IGF2BP3: variants seen among roughly 807,000 people sequenced by gnomAD.
The protein encoded by IGF2BP3 is insulin like growth factor 2 mRNA binding protein 3.
In IGF2BP3, 9 loss-of-function variants were observed where a neutral mutation model predicts 73.8. The observed-to-expected ratio is 0.12, with a 90% CI of 0.07 to 0.21. The LOEUF is 0.21. Among genes scored for constraint, IGF2BP3 ranks in the 10% least tolerant of loss-of-function variants. The probability of loss-of-function intolerance (pLI) is 1.00; values close to 1 mark genes in which losing one functional copy is unlikely to be tolerated. For synonymous variants in IGF2BP3, 258 were observed against 256.7 expected, an observed-to-expected ratio of 1.01 and a Z score of -0.05; for missense variants, 542 against 714.0, an observed-to-expected ratio of 0.76 and a Z score of 2.75.
chr7:23,364,396 A>G (rs951115884), intron 3 of IGF2BP3, among the ~76,000 whole-genome samples: 1 of 151,088 alleles, frequency 6.6e-6, no homozygotes, highest in Admixed American at 6.6e-5. Flanking sequence ...AAAAACAACA[A>G]AATTAGCTGG....
intron 12 of IGF2BP3, 98 bp downstream of exon 12, chr7:23,317,539 ACT>A: frequency 1.2e-6 from 1 of 822,330 alleles, no homozygotes; most frequent in South Asian, 1.5e-5. Flanking sequence ...ATTTCCATTG[ACT>A]CTTTCTGAGA....
intron 5 of IGF2BP3, 137 bp downstream of exon 5, chr7:23,361,397 C>T (rs1019116160): frequency 1.6e-5 from 10 of 630,570 alleles, no homozygotes; most frequent in East Asian, 5.5e-5. Context: ...AAGAAAGGCA[C>T]GATTACAGGG....
chr7:23,380,434 G>A (rs1444589623), intron 3 of IGF2BP3, among the ~76,000 whole-genome samples: 8 of 151,880 alleles, frequency 5.3e-5, no homozygotes, highest in Non-Finnish European at 1.0e-4. Context: ...AAGTGCTGGG[G>A]TTACAGGCAT....
chr7:23,358,702 CA>C, intron 5 of IGF2BP3, among the ~76,000 whole-genome samples: 1 of 152,246 alleles, frequency 6.6e-6, no homozygotes, highest in Non-Finnish European at 1.5e-5. Context: ...ATTCTCCTCA[CA>C]GAATGAAAAC....
intron 3 of IGF2BP3, among the ~76,000 whole-genome samples, chr7:23,392,485 T>TAC (rs1011725923): frequency 2.7e-5 from 4 of 149,842 alleles, no homozygotes; most frequent in African/African-American, 5.0e-5. Flanking sequence ...TATATATATA[T>TAC]ACACACATAC....
At chr7:23,378,897 C>A (rs991959909) in intron 3 of IGF2BP3, among the ~76,000 whole-genome samples, 1 of 151,804 alleles carries the variant, frequency 6.6e-6, no homozygotes, top group African/African-American at 2.4e-5. Flanking sequence ...AAGGCTCCCC[C>A]GGAAGAGTAC....
chr7:23,329,792 C>A (rs1396419640), intron 10 of IGF2BP3, among the ~76,000 whole-genome samples: 3 of 152,120 alleles, frequency 2.0e-5, no homozygotes, highest in Non-Finnish European at 4.4e-5. Flanking sequence ...CTCATTTGTA[C>A]CCCACAACAG....
intron 3 of IGF2BP3, among the ~76,000 whole-genome samples, chr7:23,408,709 A>G (rs1400751075): frequency 6.6e-6 from 1 of 152,206 alleles, no homozygotes; most frequent in Non-Finnish European, 1.5e-5. Context: ...CTAGGTACAT[A>G]CCCAAAAGAA....
At chr7:23,426,372 T>TG (rs747561321) in intron 2 of IGF2BP3, among the ~76,000 whole-genome samples, 3 of 134,068 alleles carry the variant, frequency 2.2e-5, no homozygotes, top group East Asian at 2.3e-4. Flanking sequence ...CAGAAATGGT[T>TG]GGGGGGAAAA....
chr7:23,353,989 GCTTT>G (rs1422653412), intron 5 of IGF2BP3, among the ~76,000 whole-genome samples: 1 of 152,194 alleles, frequency 6.6e-6, no homozygotes, highest in Non-Finnish European at 1.5e-5. Flanking sequence ...TTTCAAAACA[GCTTT>G]ATTTATTTAT....
chr7:23,408,523 GA>G (rs774213623), intron 3 of IGF2BP3, among the ~76,000 whole-genome samples: 1 of 152,172 alleles, frequency 6.6e-6, no homozygotes, highest in East Asian at 1.9e-4. Flanking sequence ...TGGACATGGA[GA>G]AGTTAGAACA....
intron 3 of IGF2BP3, among the ~76,000 whole-genome samples, chr7:23,398,724 T>G (rs925854072): frequency 1.3e-4 from 20 of 152,256 alleles, no homozygotes; most frequent in African/African-American, 4.6e-4. Context: ...TTGAGAAGTG[T>G]CTGTTCATAT....
Position 23,412,387 on chromosome 7 carries a change from T to C in IGF2BP3, c.285+6389A>G, listed in dbSNP as rs1341798289. ...AATTAAGTCCAGGAAAAAAATCAAA[T>C]ATGCAAGTGTTGAAGTAAAACCAAG... On this transcript the variant is annotated intron_variant, in intron 3 of 14. Transcript: ENST00000258729. 2.6e-5 allele frequency among the ~76,000 whole-genome samples: 4 copies of C among 152,318 alleles called. No homozygotes were observed. In the East Asian group the frequency reaches 7.7e-4, roughly 29 times the overall value.
intron 3 of IGF2BP3, among the ~76,000 whole-genome samples, chr7:23,395,853 G>T (rs909839846): frequency 6.6e-6 from 1 of 151,822 alleles, no homozygotes; most frequent in African/African-American, 2.4e-5. Context: ...TTGAACCTGG[G>T]AGGCAGAGGT....
At chr7:23,460,178 C>CAAGAAA (rs1788412545) in intron 2 of IGF2BP3, among the ~76,000 whole-genome samples, 1 of 55,178 alleles carries the variant, frequency 1.8e-5, no homozygotes, top group Non-Finnish European at 3.3e-5. Flanking sequence ...GACCCTGCCT[C>CAAGAAA]AAAAAAAAAA....
intron 2 of IGF2BP3, among the ~76,000 whole-genome samples, chr7:23,421,158 C>A (rs986099280): frequency 2.0e-5 from 3 of 151,926 alleles, no homozygotes; most frequent in Non-Finnish European, 4.4e-5. Context: ...TGCAGGCATG[C>A]GCCATCACAC....
intron 3 of IGF2BP3, among the ~76,000 whole-genome samples, chr7:23,369,900 T>A (rs1785493487): frequency 6.6e-6 from 1 of 152,146 alleles, no homozygotes; most frequent in Admixed American, 6.6e-5. Flanking sequence ...TTATTCTGCA[T>A]ACCCACTGCT....
At chr7:23,428,579 T>C (rs1436245343) in intron 2 of IGF2BP3, among the ~76,000 whole-genome samples, 1 of 150,608 alleles carries the variant, frequency 6.6e-6, no homozygotes, top group Non-Finnish European at 1.5e-5. Context: ...TGGTGGTACA[T>C]ACTTGTAGTC....
At chr7:23,433,327 T>C (rs1351848670) in intron 2 of IGF2BP3, among the ~76,000 whole-genome samples, 3 of 152,168 alleles carry the variant, frequency 2.0e-5, no homozygotes, top group Non-Finnish European at 2.9e-5. Flanking sequence ...ACTAGCCACA[T>C]GTGTCTAACT....
Sources: allele counts gnomAD v4.1 joint callset (sites outside exome capture counted in the v4.1 genomes callset), GRCh38; gene constraint gnomAD v4.1.1; transcripts MANE v1.5; gene names NCBI Gene and HGNC (gene_info 2026-07-23, HGNC 2026-07-21).